The following VPS26C variants were observed in gnomAD, a reference collection of about 807,000 sequenced individuals.
VPS26C encodes VPS26 endosomal protein sorting factor C, also known as vacuolar protein sorting-associated protein 26C.
In VPS26C, 19 loss-of-function variants were observed where a neutral mutation model predicts 30.6. That is an observed-to-expected ratio of 0.62 (90% confidence interval 0.43 to 0.91). VPS26C has a LOEUF of 0.91. Among genes scored for constraint, VPS26C ranks in the 40% least tolerant of loss-of-function variants. The pLI is 0.00. For missense variants in VPS26C, 318 were observed against 385.1 expected (o/e 0.83, Z 1.46); for synonymous variants, 132 against 151.5 (o/e 0.87, Z 0.95).
chr21:37,252,301 A>G (rs1352906287), intron 1 of VPS26C, among the ~76,000 whole-genome samples: 1 of 152,216 alleles, frequency 6.6e-6, no homozygotes, highest in African/African-American at 2.4e-5. Flanking sequence ...AGAAACATTA[A>G]AGAGATTTCA....
intron 1 of VPS26C, chr21:37,261,727 GAC>G: frequency 6.6e-6 from 1 of 151,696 alleles, no homozygotes; most frequent in Admixed American, 6.6e-5. Context: ...AAATCTTGTG[GAC>G]ACAATTTTCA....
rs2085985072 is a variant in VPS26C at position 37,233,262 on chromosome 21, A to T, written c.432+100T>A. On this transcript the variant is annotated intron_variant, in intron 4 of 7. Coordinates refer to ENST00000309117, the MANE Select transcript of VPS26C (RefSeq NM_006052.2). This position sits in a 1 kb window ranked among gnomAD's most constrained non-coding sequence, Gnocchi z 5.2. The stretch of plus-strand genomic sequence containing the variant: ...TGTGTCTTCTGCCAGCACCCGTGAA[A>T]CAGTAAGAGGCTAAATGGTGAGCTT... The T allele has an allele frequency of 1.9e-6, 2 of 1,038,172 alleles. No individual in the cohort carries two copies. Among genetic ancestry groups the T allele is most frequent in the Non-Finnish European group, 3.0e-6 (2 of 671,500 alleles). 64.3% of individuals were successfully genotyped at this position (1,038,172 alleles called of 1,614,324 possible).
Position 37,223,713 on chromosome 21 carries a change from T to G in VPS26C, c.*1831A>C, listed in dbSNP as rs2085871226. The G allele has an allele frequency of 1.3e-5, 2 of 152,242 alleles. No individual in the cohort carries two copies. Among genetic ancestry groups the G allele is most frequent in the South Asian group, 4.1e-4 (2 of 4,834 alleles). The allele number at this position is 152,242 out of a possible 1,614,324, so 9.4% of individuals were successfully genotyped here. A position where few individuals can be genotyped will look rare whatever the true frequency, so the allele number is the denominator to read the frequency against. ...ACTCAGATAAGTTTTATTAATTTCA[T>G]GGGTGAAGCCCCTGGATAAAGCAGT... On this transcript the variant is annotated 3_prime_UTR_variant, in exon 8 of 8. Coordinates refer to ENST00000309117, the MANE Select transcript of VPS26C (RefSeq NM_006052.2).
intron 2 of VPS26C, 76 bp from the exon 3 acceptor site, chr21:37,238,685 G>C: frequency 6.4e-7 from 1 of 1,557,146 alleles, no homozygotes; most frequent in South Asian, 1.2e-5. Context: ...ACGTTCTGAA[G>C]GACACAGCAC....
intron 2 of VPS26C, among the ~76,000 whole-genome samples, chr21:37,239,293 G>C (rs1239632797): frequency 2.6e-5 from 4 of 152,178 alleles, no homozygotes; most frequent in Non-Finnish European, 4.4e-5. Context: ...TAAAGTTGTA[G>C]AAAACATAGG....
intron 1 of VPS26C, among the ~76,000 whole-genome samples, chr21:37,244,924 G>A (rs528384433): frequency 2.0e-4 from 30 of 152,322 alleles, no homozygotes; most frequent in African/African-American, 6.5e-4. Flanking sequence ...CCCCATGCTG[G>A]AAGCAGTCGG....
rs1366863879 is a variant in VPS26C at position 37,267,132 on chromosome 21, G to A, written c.57+106C>T. ...TGGCGGAGACGCACCTGGCGGGACA[G>A]CCCTGCCCCGCCTAGGGACGCGGGA... On this transcript the variant is annotated intron_variant, in intron 1 of 7. Coordinates refer to ENST00000309117, the MANE Select transcript of VPS26C (RefSeq NM_006052.2). 4 of 1,051,876 alleles carry A rather than the reference G, an allele frequency of 3.8e-6. No homozygotes were observed. In the African/African-American group the frequency reaches 4.7e-5, roughly 12 times the overall value. 65.2% of individuals were successfully genotyped at this position (1,051,876 alleles called of 1,614,324 possible).
intron 6 of VPS26C, among the ~76,000 whole-genome samples, 163 bp from the exon 7 acceptor site, chr21:37,227,969 C>T (rs2085919904): frequency 6.6e-6 from 1 of 152,326 alleles, no homozygotes; most frequent in South Asian, 2.1e-4. Flanking sequence ...CACGCTCTTA[C>T]TTTTGCTTCC....
chr21:37,240,777 TGGA>T (rs2086079104), intron 1 of VPS26C, 138 bp from the exon 2 acceptor site: 2 of 1,206,378 alleles, frequency 1.7e-6, no homozygotes, highest in Non-Finnish European at 2.3e-6. Flanking sequence ...GATACCAGGG[TGGA>T]GAAGGCCCAG....
At chr21:37,267,130 C>A in intron 1 of VPS26C, 108 bp downstream of exon 1, 3 of 1,031,798 alleles carry the variant, frequency 2.9e-6, no homozygotes, top group Non-Finnish European at 4.4e-6. Context: ...CCTGGCGGGA[C>A]AGCCCTGCCC....
Position 37,226,553 on chromosome 21 carries a change from C to T in VPS26C, c.812-927G>A, listed in dbSNP as rs2085901547. 6.6e-6 allele frequency: 1 copy of T among 152,354 alleles called. No individual in the cohort carries two copies. 9.4% of individuals were successfully genotyped at this position (152,354 alleles called of 1,614,324 possible). ...TTCTCCACCCCTCTTGTTGTGCCCC[C>T]CAGAAGGGTGGAGGGTGTGGCTGGA... On this transcript the variant is annotated intron_variant, in intron 7 of 7. Transcript: ENST00000309117. This position sits in a 1 kb window ranked among gnomAD's most constrained non-coding sequence, Gnocchi z 4.1.
chr21:37,264,538 G>A (rs1415630235), intron 1 of VPS26C, among the ~76,000 whole-genome samples: 1 of 152,204 alleles, frequency 6.6e-6, no homozygotes, highest in East Asian at 1.9e-4. Context: ...CATTTCTGAA[G>A]AGAACATGCT....
At chr21:37,258,208 C>CA (rs2086265143) in intron 1 of VPS26C, among the ~76,000 whole-genome samples, 1 of 152,376 alleles carries the variant, frequency 6.6e-6, no homozygotes, top group African/African-American at 2.4e-5. Flanking sequence ...CGGCGTCCGG[C>CA]AGCAGCACCG....
chr21:37,267,648 T>G, upstream of VPS26C: 1 of 295,306 alleles, frequency 3.4e-6, no homozygotes, highest in Non-Finnish European at 6.4e-6. Flanking sequence ...GAGGAACGGC[T>G]CTCCCCGCGT....
chr21:37,256,129 C>A (rs1194977574), intron 1 of VPS26C, among the ~76,000 whole-genome samples: 1 of 152,208 alleles, frequency 6.6e-6, no homozygotes, highest in African/African-American at 2.4e-5. Flanking sequence ...AGCCACCGTG[C>A]CCGGCCCTAG....
chr21:37,263,054 C>T (rs184154449), intron 1 of VPS26C, among the ~76,000 whole-genome samples: 7 of 152,102 alleles, frequency 4.6e-5, no homozygotes, highest in East Asian at 1.9e-4. Flanking sequence ...TGTGAGTCAC[C>T]GCACCCAGCT....
At chr21:37,252,633 A>G (rs1022118280) in intron 1 of VPS26C, among the ~76,000 whole-genome samples, 1 of 152,204 alleles carries the variant, frequency 6.6e-6, no homozygotes, top group Admixed American at 6.5e-5. Flanking sequence ...TCACACAAAA[A>G]TCATGCCCAA....
At chr21:37,241,727 TG>T (rs1444645286) in intron 1 of VPS26C, among the ~76,000 whole-genome samples, 1 of 152,052 alleles carries the variant, frequency 6.6e-6, no homozygotes, top group Admixed American at 6.6e-5. Flanking sequence ...GAGGCTGAGG[TG>T]GGAGAATTGC....
intron 3 of VPS26C, among the ~76,000 whole-genome samples, chr21:37,235,868 TATATA>T (rs1209140902): frequency 8.8e-5 from 10 of 113,170 alleles, no homozygotes; most frequent in African/African-American, 2.2e-4. Flanking sequence ...TATATATATA[TATATA>T]TATATATTTT....
Sources: gnomAD v4.1 joint callset for allele counts (sites outside exome capture counted in the v4.1 genomes callset) on GRCh38, gnomAD v4.1.1 for gene constraint, Gnocchi (gnomAD v3.1) non-coding constraint, MANE v1.5 for transcripts, NCBI Gene and HGNC (gene_info 2026-07-23, HGNC 2026-07-21) for gene names.